ZNF638: variants seen among roughly 807,000 people sequenced by gnomAD.
ZNF638 encodes CTCL tumor antigen se33-1.
Under a neutral mutation model 195.6 loss-of-function variants are expected in ZNF638, and 46 were observed. That is an observed-to-expected ratio of 0.24 (90% CI 0.19 to 0.30). The LOEUF is 0.30. ZNF638 is among the 10% of genes least tolerant of loss of function. The probability of loss-of-function intolerance (pLI) is 1.00; values close to 1 mark genes in which losing one functional copy is unlikely to be tolerated. For missense variants in ZNF638, 2,440 were observed against 2,325.3 expected, an observed-to-expected ratio of 1.05 and a Z score of -1.01; for synonymous variants, 845 against 772.0, an observed-to-expected ratio of 1.09 and a Z score of -1.57.
chr2:71,350,484 C>T (rs1448995398), intron 2 of ZNF638, among the ~76,000 whole-genome samples: 4 of 152,162 alleles, frequency 2.6e-5, no homozygotes, highest in Admixed American at 1.3e-4. Flanking sequence ...ACCGGGCACA[C>T]CATATTTTAG....
At chr2:71,374,088 A>G (rs970682591) in intron 8 of ZNF638, 6 of 152,254 alleles carry the variant, frequency 3.9e-5, no homozygotes, top group Non-Finnish European at 5.9e-5. Context: ...GGCCTCCCGA[A>G]GTGTTGGGAT....
chr2:71,387,427 TTC>T (rs2079664836), intron 10 of ZNF638, among the ~76,000 whole-genome samples: 2 of 152,070 alleles, frequency 1.3e-5, no homozygotes, highest in African/African-American at 4.8e-5. Context: ...TCCCAGCACT[TTC>T]GGAGGCCAAG....
At chr2:71,375,329 C>T (rs1009251423) in intron 8 of ZNF638, 2 of 152,218 alleles carry the variant, frequency 1.3e-5, no homozygotes, top group African/African-American at 4.8e-5. Context: ...TGTAGGTGGT[C>T]CAGTGCTCGT....
intron 8 of ZNF638, among the ~76,000 whole-genome samples, chr2:71,378,305 T>A (rs2079472172): frequency 6.6e-6 from 1 of 152,234 alleles, no homozygotes; most frequent in East Asian, 1.9e-4. Context: ...AAATTTCTTT[T>A]AAAATTGAAA....
chr2:71,393,702 A>G, intron 10 of ZNF638: 1 of 692,656 alleles, frequency 1.4e-6, no homozygotes, highest in Non-Finnish European at 2.7e-6. Context: ...TGCAACCCGT[A>G]CCGGCTACAC....
At chr2:71,434,514 A>G (rs965797650) in intron 27 of ZNF638, among the ~76,000 whole-genome samples, 2 of 152,094 alleles carry the variant, frequency 1.3e-5, no homozygotes, top group African/African-American at 2.4e-5. Flanking sequence ...AAAAGATTCT[A>G]TCTGTCTTGT....
chr2:71,354,581 C>G (rs1016271894), intron 2 of ZNF638, among the ~76,000 whole-genome samples: 2 of 151,882 alleles, frequency 1.3e-5, no homozygotes, highest in Non-Finnish European at 2.9e-5. Context: ...ATTAAAAATA[C>G]AAAAATTCAC....
chr2:71,363,246 C>A, intron 4 of ZNF638, 55 bp downstream of exon 4: 3 of 1,285,352 alleles, frequency 2.3e-6, no homozygotes, highest in Admixed American at 2.3e-5. Flanking sequence ...TAAAAGTAAA[C>A]AGTTAATTTT....
At chr2:71,419,000 A>G (rs1331730429) in intron 21 of ZNF638, among the ~76,000 whole-genome samples, 4 of 152,342 alleles carry the variant, frequency 2.6e-5, no homozygotes, top group African/African-American at 4.8e-5. Flanking sequence ...TAAACACGGT[A>G]GTAAAATTTT....
chr2:71,423,898 A>G lies in ZNF638; in HGVS notation c.4384A>G (p.Ser1462Gly). Residue 1462 changes from serine to glycine, a missense_variant, in exon 22 of 28, where the codon AGT becomes GGT. Ser to Gly is a moderately conservative substitution (Grantham distance 56). This residue lies in a region of ZNF638 where 1,883 missense variants were observed against 1,739.1 expected (regional missense o/e 1.08). Transcript: ENST00000264447. ...SSSKFKPTQS[S>G]LTRGGSGRIS... ...CAGTAAATTCAAACCTACTCAGAGC[A>G]GTCTTACCAGAGGAGGCAGTGGAAG... 5 of 1,614,096 alleles carry G rather than the reference A, an allele frequency of 3.1e-6. No homozygotes were observed. The highest frequency in any genetic ancestry group is 4.2e-6 in the Non-Finnish European group (5 of 1,180,016).
intron 20 of ZNF638, among the ~76,000 whole-genome samples, chr2:71,409,358 C>A (rs1481532112): frequency 6.6e-6 from 1 of 152,094 alleles, no homozygotes; most frequent in Non-Finnish European, 1.5e-5. Context: ...AATGTTACTT[C>A]TTTGTGTAGT....
Position 71,403,942 on chromosome 2 carries a change from G to T in ZNF638, c.2902G>T (p.Asp968Tyr). ...TTATACCTGCTTCCCAGTATTGATG[G>T]ATGGAAATCAACTCTCAATAAGTAT... is the stretch of plus-strand genomic sequence containing the variant. ...KFYTCFPVLM[D>Y]GNQLSISMAP... The change falls in exon 17 of 28, where the codon GAT (aspartate) becomes TAT (tyrosine). Residue 968 changes from aspartate to tyrosine, a missense_variant. Asp to Tyr is a radical substitution (Grantham distance 160, BLOSUM62 -3). Transcript: ENST00000264447. 1 of 1,612,372 alleles carries T rather than the reference G, an allele frequency of 6.2e-7. No homozygotes were observed. The highest frequency in any genetic ancestry group is 2.2e-5 in the East Asian group (1 of 44,762).
In ZNF638 at chr2:71,354,840, A is replaced by C. The variant is rs371056707; in HGVS notation, c.1318-879A>C. ...TATCTTTGAAATGTTGTTACTTTTA[A>C]ATTTTGAAAATAGATTTGATCAGTA... On this transcript the variant is annotated intron_variant, in intron 2 of 27. Transcript: ENST00000264447. Among the ~76,000 whole-genome samples the C allele has an allele frequency of 3.3e-5, 5 of 152,124 alleles. No homozygotes were observed. In the South Asian group the frequency reaches 6.2e-4, roughly 19 times the overall value.
chr2:71,394,987 C>G (rs2079863110), intron 10 of ZNF638, among the ~76,000 whole-genome samples: 1 of 152,158 alleles, frequency 6.6e-6, no homozygotes, highest in African/African-American at 2.4e-5. Context: ...ACCTCTCTAC[C>G]ATGGAACCAA....
intron 1 of ZNF638, chr2:71,348,522 C>T (rs1251113108): frequency 8.6e-7 from 1 of 1,163,436 alleles, no homozygotes; most frequent in African/African-American, 1.6e-5. Context: ...CAGTGCAACA[C>T]AATGTACATG....
chr2:71,332,098 C>T (rs1313548822), intron 1 of ZNF638, among the ~76,000 whole-genome samples: 2 of 152,242 alleles, frequency 1.3e-5, no homozygotes, highest in African/African-American at 4.8e-5. Flanking sequence ...CGTTTATTCA[C>T]TTCGCTACCC....
Position 71,418,644 on chromosome 2 carries a change from G to C in ZNF638, c.3299+5G>C. 1 of 1,550,202 alleles carries C rather than the reference G, an allele frequency of 6.5e-7. No homozygotes were observed. Among genetic ancestry groups the C allele is most frequent in the Non-Finnish European group, 8.7e-7 (1 of 1,147,204 alleles). The stretch of plus-strand genomic sequence containing the variant: ...CCCAGAATTAGAAAAAGAAAGGTAT[G>C]TTGCTTTATGTTTACTAACACTTTT... On this transcript the variant is annotated splice_donor_5th_base_variant and intron_variant, in intron 21 of 27. Transcript: ENST00000264447.
intron 25 of ZNF638, chr2:71,428,944 T>C (rs1313487042): frequency 4.4e-6 from 1 of 226,802 alleles, no homozygotes; most frequent in Non-Finnish European, 8.7e-6. Flanking sequence ...TTGTGGACCT[T>C]GCTTTGTTGA....
At chr2:71,399,402 C>T (rs1156680789) in intron 12 of ZNF638, among the ~76,000 whole-genome samples, 157 bp from the exon 13 acceptor site, 1 of 151,984 alleles carries the variant, frequency 6.6e-6, no homozygotes, top group Admixed American at 6.6e-5. Flanking sequence ...TTTAATCTTA[C>T]TGGGAAAGAG....
Sources: gnomAD v4.1 joint callset for allele counts (sites outside exome capture counted in the v4.1 genomes callset) on GRCh38, gnomAD v4.1.1 for gene constraint, gnomAD v4.1.1 regional missense constraint, MANE v1.5 for transcripts, NCBI Gene and HGNC (gene_info 2026-07-23, HGNC 2026-07-21) for gene names.